The following FAT3 variants were observed in gnomAD, a reference collection of about 807,000 sequenced individuals.
The protein encoded by FAT3 is FAT atypical cadherin 3.
Under a neutral mutation model 310.2 loss-of-function variants are expected in FAT3, and 95 were observed. The ratio of observed to expected loss-of-function variants is 0.31; its 90% confidence interval spans 0.26 to 0.36. The LOEUF is 0.36. Ranked by LOEUF, FAT3 falls within the 10% of genes least tolerant of loss-of-function variation. FAT3 has a pLI of 1.00. For missense variants in FAT3, 5,408 were observed against 5,715.6 expected (o/e 0.95, Z 1.74); for synonymous variants, 2,314 against 2,192.9 (o/e 1.06, Z -1.54).
chr11:92,315,019 C>T (rs1258307868), intron 1 of FAT3, among the ~76,000 whole-genome samples: 1 of 151,884 alleles, frequency 6.6e-6, no homozygotes, highest in Non-Finnish European at 1.5e-5. Flanking sequence ...AATATACATA[C>T]AGCAGTTTAA....
Position 92,654,108 on chromosome 11 carries a change from G to A in FAT3, c.3608-43276G>A, listed in dbSNP as rs146576438. Among the ~76,000 whole-genome samples the A allele has an allele frequency of 3.8e-3, 582 of 152,172 alleles. 3 individuals are homozygous for A. The highest frequency in any genetic ancestry group is 6.3e-3 in the Non-Finnish European group (429 of 67,996). ...GTGGCAAAAATCCACTCAGTCAAAG[G>A]ACTTTAGCTATATTGTACCCCGCTG... On this transcript the variant is annotated intron_variant, in intron 3 of 27. Coordinates refer to ENST00000525166, the MANE Select transcript of FAT3 (RefSeq NM_001367949.2).
At chr11:92,481,130 T>C (rs995173060) in intron 2 of FAT3, among the ~76,000 whole-genome samples, 7 of 152,210 alleles carry the variant, frequency 4.6e-5, no homozygotes, top group African/African-American at 1.7e-4. Flanking sequence ...ATTTGTCCAA[T>C]CTATGTCTCA....
At chr11:92,413,942 T>G (rs1356674621) in intron 2 of FAT3, among the ~76,000 whole-genome samples, 1 of 152,140 alleles carries the variant, frequency 6.6e-6, no homozygotes, top group Non-Finnish European at 1.5e-5. Flanking sequence ...TGCATGTTGG[T>G]GATGCTGGCA....
intron 1 of FAT3, among the ~76,000 whole-genome samples, chr11:92,312,502 C>A (rs961872826): frequency 1.3e-5 from 2 of 152,158 alleles, no homozygotes; most frequent in Non-Finnish European, 2.9e-5. Context: ...TCCCGCTAAT[C>A]ATTTTGCACC....
At chr11:92,654,058 G>A (rs115806170) in intron 3 of FAT3, among the ~76,000 whole-genome samples, 252 of 152,154 alleles carry the variant, frequency 1.7e-3, no homozygotes, top group African/African-American at 5.7e-3. Context: ...TTTCAAATTA[G>A]CTTAACTATC....
intron 9 of FAT3, among the ~76,000 whole-genome samples, chr11:92,793,549 T>A (rs1332471856): frequency 6.6e-6 from 1 of 152,204 alleles, no homozygotes; most frequent in Non-Finnish European, 1.5e-5. Context: ...AAATTTGAGA[T>A]GTTTTAAAAT....
intron 3 of FAT3, among the ~76,000 whole-genome samples, chr11:92,687,908 A>G (rs1323939899): frequency 6.6e-6 from 1 of 152,030 alleles, no homozygotes; most frequent in Non-Finnish European, 1.5e-5. Flanking sequence ...CTCAGATCTA[A>G]AGTCAAAACA....
At chr11:92,584,303 T>G (rs1037586896) in intron 3 of FAT3, among the ~76,000 whole-genome samples, 1 of 152,070 alleles carries the variant, frequency 6.6e-6, no homozygotes, top group Non-Finnish European at 1.5e-5. Context: ...GTAATGGTGC[T>G]TCTTGAATTC....
At chr11:92,794,893 G>A (rs1947130375) in intron 9 of FAT3, among the ~76,000 whole-genome samples, 1 of 152,224 alleles carries the variant, frequency 6.6e-6, no homozygotes, top group Admixed American at 6.5e-5. Context: ...CTTCCCAGTT[G>A]AGGGTGGGAG....
At chr11:92,368,030 T>G (rs952362840) in intron 2 of FAT3, among the ~76,000 whole-genome samples, 5 of 152,216 alleles carry the variant, frequency 3.3e-5, no homozygotes, top group African/African-American at 1.2e-4. Context: ...CTTAAAAGTT[T>G]GAAAGTCAAC....
chr11:92,894,820 G>A lies in FAT3; in HGVS notation c.*3707G>A, dbSNP rs1343924878. On this transcript the variant is annotated 3_prime_UTR_variant, in exon 28 of 28. Transcript: ENST00000525166. ...GGGAATAAATGTGAAAGGCTGGAAA[G>A]GGAACTAGTTTCTGGGATTTGCCTG... is the stretch of plus-strand genomic sequence containing the variant. 2.8e-4 allele frequency: 42 copies of A among 152,148 alleles called. No individual in the cohort carries two copies. The highest frequency in any genetic ancestry group is 2.7e-3 in the Admixed American group (41 of 15,274). 9.4% of individuals were successfully genotyped at this position (152,148 alleles called of 1,614,324 possible). A position where few individuals can be genotyped will look rare whatever the true frequency, so the allele number is the denominator to read the frequency against.
At chr11:92,594,827 T>C (rs1400061373) in intron 3 of FAT3, among the ~76,000 whole-genome samples, 1 of 152,150 alleles carries the variant, frequency 6.6e-6, no homozygotes, top group African/African-American at 2.4e-5. Flanking sequence ...AAATCCACAA[T>C]ATGTTTCAGA....
intron 6 of FAT3, among the ~76,000 whole-genome samples, chr11:92,773,450 A>G (rs1658783827): frequency 6.6e-6 from 1 of 152,194 alleles, no homozygotes; most frequent in African/African-American, 2.4e-5. Context: ...CAAGATGGCA[A>G]AATAAGTATT....
intron 2 of FAT3, among the ~76,000 whole-genome samples, chr11:92,486,582 GCTCT>G (rs964422713): frequency 2.6e-5 from 4 of 151,984 alleles, no homozygotes; most frequent in African/African-American, 9.7e-5. Context: ...GATTTTTTAT[GCTCT>G]CTCTTAGACC....
chr11:92,395,014 G>A (rs927204496), intron 2 of FAT3, among the ~76,000 whole-genome samples: 3 of 152,206 alleles, frequency 2.0e-5, no homozygotes, highest in Non-Finnish European at 4.4e-5. Flanking sequence ...TATAGTAGGT[G>A]TTGAATATTT....
At chr11:92,479,351 C>T (rs1394633100) in intron 2 of FAT3, among the ~76,000 whole-genome samples, 3 of 151,938 alleles carry the variant, frequency 2.0e-5, no homozygotes, top group Non-Finnish European at 4.4e-5. Flanking sequence ...CTAAAATGTT[C>T]AGTGACTTGC....
intron 3 of FAT3, among the ~76,000 whole-genome samples, chr11:92,610,732 T>A (rs1940523607): frequency 6.6e-6 from 1 of 152,180 alleles, no homozygotes; most frequent in African/African-American, 2.4e-5. Context: ...AGTTTAAATA[T>A]TTCTTTAGTG....
At chr11:92,274,620 A>G (rs1315662648) in intron 1 of FAT3, among the ~76,000 whole-genome samples, 1 of 152,118 alleles carries the variant, frequency 6.6e-6, no homozygotes, top group East Asian at 1.9e-4. Flanking sequence ...GAGAGTGTAC[A>G]GATATTTTTA....
At chr11:92,638,315 T>G (rs146269542) in intron 3 of FAT3, among the ~76,000 whole-genome samples, 1 of 152,342 alleles carries the variant, frequency 6.6e-6, no homozygotes, top group Non-Finnish European at 1.5e-5. Flanking sequence ...CCAAATGCAG[T>G]AAAGCAGTCA....
Sources: gnomAD v4.1 joint callset for allele counts (sites outside exome capture counted in the v4.1 genomes callset) on GRCh38, gnomAD v4.1.1 for gene constraint, MANE v1.5 for transcripts, NCBI Gene and HGNC (gene_info 2026-07-23, HGNC 2026-07-21) for gene names.